ZNF638: variants seen among roughly 807,000 people sequenced by gnomAD.
The protein encoded by ZNF638 is zinc finger protein 638.
Under a neutral mutation model 195.6 loss-of-function variants are expected in ZNF638, and 46 were observed. The observed-to-expected ratio is 0.24, with a 90% CI of 0.19 to 0.30. The LOEUF (loss-of-function observed/expected upper bound fraction) is 0.30, where lower values mean the gene tolerates loss of function less well. Among genes scored for constraint, ZNF638 ranks in the 10% least tolerant of loss-of-function variants. ZNF638 has a pLI of 1.00. For synonymous variants in ZNF638, 845 were observed against 772.0 expected (o/e 1.09, Z -1.57); for missense variants, 2,440 against 2,325.3 (o/e 1.05, Z -1.01).
chr2:71,385,037 G>A (rs1363081166), intron 10 of ZNF638, among the ~76,000 whole-genome samples: 3 of 152,148 alleles, frequency 2.0e-5, no homozygotes, highest in African/African-American at 7.2e-5. Flanking sequence ...TCCTGTAAAA[G>A]GGGAAATGAG....
intron 1 of ZNF638, among the ~76,000 whole-genome samples, chr2:71,340,122 AATC>A (rs1350402370): frequency 6.6e-6 from 1 of 152,106 alleles, no homozygotes; most frequent in Non-Finnish European, 1.5e-5. Flanking sequence ...TCAAATCTGA[AATC>A]ATGGTGTTTA....
rs150732284 is a variant in ZNF638, at chr2:71,344,108, C to T, written c.-202-4645C>T. 2.1e-3 allele frequency among the ~76,000 whole-genome samples: 324 copies of T among 152,238 alleles called. 7 individuals carry two copies. In the East Asian group the frequency reaches 0.048, roughly 22 times the overall value. ...TCACGCCACTGCACTCCAGCTTGGG[C>T]GACAGAGCGAGACTCCGTCTCAAAA... On this transcript the variant is annotated intron_variant, in intron 1 of 27. Coordinates refer to ENST00000264447, the MANE Select transcript of ZNF638 (RefSeq NM_014497.5).
intron 24 of ZNF638, among the ~76,000 whole-genome samples, chr2:71,427,913 C>G (rs2080571913): frequency 6.6e-6 from 1 of 152,044 alleles, no homozygotes; most frequent in African/African-American, 2.4e-5. Context: ...ATCTTGAGGC[C>G]AAGTATTGTG....
intron 2 of ZNF638, among the ~76,000 whole-genome samples, chr2:71,353,282 A>T (rs1396316080): frequency 6.6e-6 from 1 of 152,214 alleles, no homozygotes; most frequent in African/African-American, 2.4e-5. Flanking sequence ...TTAAAGGAGA[A>T]ACTTCCCTTG....
intron 10 of ZNF638, chr2:71,395,167 G>T (rs767435563): frequency 9.8e-6 from 7 of 713,868 alleles, no homozygotes; most frequent in Non-Finnish European, 1.6e-5. Context: ...CATCTCTCCT[G>T]GATAGACCCT....
In ZNF638 at chr2:71,429,625, A is replaced by C. The variant is rs1454322499; in HGVS notation, c.5650+974A>C. 2.6e-5 allele frequency among the ~76,000 whole-genome samples: 4 copies of C among 152,188 alleles called. No homozygotes were observed. In the East Asian group the frequency reaches 7.7e-4, roughly 29 times the overall value. The stretch of plus-strand genomic sequence containing the variant: ...GCTCCTATCTTTTCTACTTGCTTTT[A>C]GAGCAAAACGTCTAGAAAGAACCAC... On this transcript the variant is annotated intron_variant, in intron 25 of 27. Transcript: ENST00000264447.
At chr2:71,374,610 C>T (rs1558851794) in intron 8 of ZNF638, among the ~76,000 whole-genome samples, 1 of 152,178 alleles carries the variant, frequency 6.6e-6, no homozygotes, top group African/African-American at 2.4e-5. Flanking sequence ...TTTTACAACA[C>T]TAAGTCTTTC....
chr2:71,343,358 G>C (rs1015508735), intron 1 of ZNF638, among the ~76,000 whole-genome samples: 3 of 152,080 alleles, frequency 2.0e-5, no homozygotes, highest in Non-Finnish European at 2.9e-5. Flanking sequence ...AACAAAAAGG[G>C]GAAAAAGAAG....
intron 10 of ZNF638, chr2:71,395,550 C>T: frequency 3.3e-6 from 2 of 605,232 alleles, no homozygotes; most frequent in Non-Finnish European, 3.0e-6. Context: ...GTTTTATTTA[C>T]TTTTGCAGAC....
rs144854492 is a variant in ZNF638, at chr2:71,433,684, C to T, written c.5871+401C>T. 857 of 156,566 alleles carry T rather than the reference C, an allele frequency of 5.5e-3. 6 individuals are homozygous for T. The highest frequency in any genetic ancestry group is 0.02 in the African/African-American group (811 of 41,586). 9.7% of individuals were successfully genotyped at this position (156,566 alleles called of 1,614,324 possible). On this transcript the variant is annotated intron_variant, in intron 27 of 27. Transcript: ENST00000264447. ...ATCACAAAACCTTTTCTAAATTGTA[C>T]ACATCTTTAAGAAGTGTTACTCTGG...
chr2:71,423,078 T>A lies in ZNF638; in HGVS notation c.3564T>A (p.Ile1188=), dbSNP rs1363372588. The change falls in exon 22 of 28, where the codon ATT becomes ATA. Residue 1188 remains isoleucine, a synonymous_variant. Coordinates refer to ENST00000264447, the MANE Select transcript of ZNF638 (RefSeq NM_014497.5). ...TTGTAGCATCCGCTTCAGTCAGTAT[T>A]GAACAATTCACTGAAAATGCCGAGG... The part of the protein sequence containing the change: ...IPLVASASVS[I]EQFTENAEEC... 3 of 1,614,128 alleles carry A rather than the reference T, an allele frequency of 1.9e-6. No homozygotes were observed. The highest frequency in any genetic ancestry group is 8.5e-7 in the Non-Finnish European group (1 of 1,179,988).
intron 1 of ZNF638, among the ~76,000 whole-genome samples, chr2:71,337,016 A>T (rs74678666): frequency 0.042 from 6,335 of 152,282 alleles, 228 homozygotes; most frequent in African/African-American, 0.096. Flanking sequence ...TAGGCTGACT[A>T]ACAGTCAATA....
intron 10 of ZNF638, among the ~76,000 whole-genome samples, chr2:71,383,764 T>TTTTTC (rs1458733634): frequency 2.7e-3 from 92 of 33,458 alleles, no homozygotes; most frequent in African/African-American, 4.8e-3. Context: ...TTCTTTTTCT[T>TTTTTC]TTTTTTTTTT....
At chr2:71,372,805 A>G (rs1386737022) in intron 8 of ZNF638, among the ~76,000 whole-genome samples, 1 of 152,208 alleles carries the variant, frequency 6.6e-6, no homozygotes, top group African/African-American at 2.4e-5. Context: ...TATAACACAC[A>G]TTTCTCAATA....
chr2:71,417,743 C>A (rs914786514), intron 20 of ZNF638, among the ~76,000 whole-genome samples: 3 of 151,468 alleles, frequency 2.0e-5, no homozygotes, highest in Non-Finnish European at 4.4e-5. Context: ...GACTTAAAAA[C>A]CATCATCTTT....
At chr2:71,334,351 T>G (rs2078626407) in intron 1 of ZNF638, 1 of 152,244 alleles carries the variant, frequency 6.6e-6, no homozygotes, top group Admixed American at 6.5e-5. Context: ...TAGCTTGGGC[T>G]GTTTTGCAAG....
chr2:71,388,499 C>A, intron 10 of ZNF638: 1 of 701,750 alleles, frequency 1.4e-6, no homozygotes, highest in Non-Finnish European at 2.6e-6. Context: ...TAAATAAATA[C>A]AAGCAGCTCC....
In ZNF638 at chr2:71,423,224, A is replaced by G. The variant is rs2080468478; in HGVS notation, c.3710A>G (p.Lys1237Arg). The G allele has an allele frequency of 1.2e-6, 2 of 1,614,068 alleles. No individual in the cohort carries two copies. The highest frequency in any genetic ancestry group is 1.7e-6 in the Non-Finnish European group (2 of 1,180,020). The change falls in exon 22 of 28, where the codon AAA becomes AGA. Residue 1237 changes from lysine to arginine, a missense_variant. Coordinates refer to ENST00000264447, the MANE Select transcript of ZNF638 (RefSeq NM_014497.5). ...DSVFAEERNL[K>R]GILEESPSEA... ...GTGTTTGCAGAAGAAAGGAACCTCA[A>G]AGGAATTCTAGAAGAATCTCCATCT...
At chr2:71,363,881 C>CT in intron 4 of ZNF638, 73 bp from the exon 5 acceptor site, 1 of 1,502,908 alleles carries the variant, frequency 6.7e-7, no homozygotes, top group East Asian at 2.3e-5. Context: ...TAACAAGGTA[C>CT]TTCTGTCATT....
Sources: allele counts gnomAD v4.1 joint callset (sites outside exome capture counted in the v4.1 genomes callset), GRCh38; gene constraint gnomAD v4.1.1; transcripts MANE v1.5; gene names NCBI Gene and HGNC (gene_info 2026-07-23, HGNC 2026-07-21).